Variants in CASR observed in about 807,000 individuals in gnomAD.
CASR encodes extracellular calcium-sensing receptor.
CASR carries 23 observed loss-of-function variants against 69.1 expected under a neutral mutation model. That is an observed-to-expected ratio of 0.33 (90% confidence interval 0.24 to 0.47). The LOEUF (loss-of-function observed/expected upper bound fraction) is 0.47. Among genes scored for constraint, CASR ranks in the 20% least tolerant of loss-of-function variants. The pLI is 1.00. For missense variants in CASR, 924 were observed against 1,356.1 expected (o/e 0.68, Z 5.00); for synonymous variants, 541 against 544.7 (o/e 0.99, Z 0.10).
chr3:122,263,174 CT>C (rs1459657043), intron 4 of CASR, among the ~76,000 whole-genome samples: 2 of 152,048 alleles, frequency 1.3e-5, no homozygotes, highest in African/African-American at 4.8e-5. Context: ...TTTCACACTC[CT>C]TTTGTATTTT....
chr3:122,235,139 C>T (rs1003819095), intron 1 of CASR, among the ~76,000 whole-genome samples: 1 of 152,194 alleles, frequency 6.6e-6, no homozygotes, highest in Non-Finnish European at 1.5e-5. Flanking sequence ...CCCAGACCTT[C>T]CCATCTGGGA....
At chr3:122,204,109 TTCTTC>T (rs2073983607) in intron 1 of CASR, among the ~76,000 whole-genome samples, 1 of 152,204 alleles carries the variant, frequency 6.6e-6, no homozygotes, top group Non-Finnish European at 1.5e-5. Flanking sequence ...ACCATTCCAA[TTCTTC>T]TCTTCTAGCT....
chr3:122,219,569 G>A (rs1181686990), intron 1 of CASR, among the ~76,000 whole-genome samples: 2 of 152,204 alleles, frequency 1.3e-5, no homozygotes, highest in Non-Finnish European at 2.9e-5. Context: ...GGAGGAATCT[G>A]TTGAGCTGGG....
chr3:122,184,750 AG>A, intron 1 of CASR, among the ~76,000 whole-genome samples: 1 of 152,308 alleles, frequency 6.6e-6, no homozygotes, highest in African/African-American at 2.4e-5. Flanking sequence ...TGCCCCTAGA[AG>A]GGGCAGCGGG....
At chr3:122,240,009 G>T (rs191642550) in intron 1 of CASR, among the ~76,000 whole-genome samples, 20 of 152,260 alleles carry the variant, frequency 1.3e-4, no homozygotes, top group African/African-American at 4.6e-4. Flanking sequence ...CAAGCCTAGA[G>T]AAAGATATCA....
chr3:122,225,378 A>G (rs904661419), intron 1 of CASR, among the ~76,000 whole-genome samples: 3 of 151,968 alleles, frequency 2.0e-5, no homozygotes, highest in African/African-American at 7.2e-5. Context: ...GAACAGGAAA[A>G]AAAAAGAAAA....
chr3:122,281,128 C>CCTG (rs2074882281), intron 5 of CASR, among the ~76,000 whole-genome samples: 1 of 152,168 alleles, frequency 6.6e-6, no homozygotes, highest in South Asian at 2.1e-4. Flanking sequence ...CACTGAAGAA[C>CCTG]CTGGAAGTTA....
rs1026750691 is a variant in CASR at position 122,291,285 on chromosome 3, G to A, written c.*6094G>A. The A allele has an allele frequency of 1.3e-5, 2 of 151,404 alleles. No individual in the cohort carries two copies. Among genetic ancestry groups the A allele is most frequent in the African/African-American group, 4.9e-5 (2 of 41,170 alleles). 9.4% of individuals were successfully genotyped at this position (151,404 alleles called of 1,614,324 possible). The stretch of plus-strand genomic sequence containing the variant: ...GGGTCAAATGGTATTTCTAGTTCTA[G>A]ATCCCTGAGGAATCGCCACACTGAC... On this transcript the variant is annotated 3_prime_UTR_variant, in exon 7 of 7. Coordinates refer to ENST00000639785, the MANE Select transcript of CASR (RefSeq NM_000388.4).
chr3:122,269,111 A>G (rs1464205293), intron 4 of CASR, among the ~76,000 whole-genome samples: 1 of 152,224 alleles, frequency 6.6e-6, no homozygotes, highest in African/African-American at 2.4e-5. Context: ...ATATGCCTAA[A>G]AGAAGAAAAG....
intron 1 of CASR, among the ~76,000 whole-genome samples, chr3:122,209,619 A>G (rs773535168): frequency 5.3e-5 from 8 of 152,164 alleles, no homozygotes; most frequent in Non-Finnish European, 8.8e-5. Flanking sequence ...CCATGATTCA[A>G]TTATCTCCCA....
chr3:122,211,662 C>T (rs1266733713), intron 1 of CASR, among the ~76,000 whole-genome samples: 6 of 152,174 alleles, frequency 3.9e-5, no homozygotes, highest in Admixed American at 1.3e-4. Context: ...AAGCCTAGAT[C>T]GTGCCACTGC....
chr3:122,275,762 G>T (rs775505812), intron 4 of CASR, 50 bp from the exon 5 acceptor site: 2 of 1,232,994 alleles, frequency 1.6e-6, no homozygotes, highest in Admixed American at 1.7e-5. Context: ...TACCTAATTA[G>T]TTCTATGTGG....
At chr3:122,248,024 G>A (rs1014992816) in intron 1 of CASR, among the ~76,000 whole-genome samples, 2 of 152,186 alleles carry the variant, frequency 1.3e-5, no homozygotes, top group Non-Finnish European at 2.9e-5. Flanking sequence ...AGTCACACCT[G>A]TTGTCAGGGA....
chr3:122,203,500 G>A (rs577687861), intron 1 of CASR, among the ~76,000 whole-genome samples: 1 of 152,234 alleles, frequency 6.6e-6, no homozygotes, highest in East Asian at 1.9e-4. Flanking sequence ...GTAACACAGT[G>A]ATAACTATTT....
chr3:122,236,197 G>A (rs897479305), intron 1 of CASR, among the ~76,000 whole-genome samples: 3 of 152,214 alleles, frequency 2.0e-5, no homozygotes, highest in African/African-American at 7.2e-5. Flanking sequence ...GGCTGACCCA[G>A]CATCAAAGTC....
At chr3:122,250,835 A>G (rs545168627) in intron 1 of CASR, among the ~76,000 whole-genome samples, 36 of 152,260 alleles carry the variant, frequency 2.4e-4, no homozygotes, top group Non-Finnish European at 4.1e-4. Context: ...AGAAAAAGTT[A>G]CTTTTTTTTT....
At chr3:122,212,394 A>G (rs2074077387) in intron 1 of CASR, among the ~76,000 whole-genome samples, 1 of 152,008 alleles carries the variant, frequency 6.6e-6, no homozygotes, top group Admixed American at 6.6e-5. Flanking sequence ...AATAACACAC[A>G]CTGGGGCCTG....
intron 4 of CASR, among the ~76,000 whole-genome samples, chr3:122,263,967 T>C (rs1384885174): frequency 1.3e-5 from 2 of 152,126 alleles, no homozygotes; most frequent in South Asian, 2.1e-4. Context: ...ACCTCAGTTC[T>C]TGAAAAAACT....
chr3:122,200,994 C>CTT (rs67815991), intron 1 of CASR, among the ~76,000 whole-genome samples: 1,309 of 81,142 alleles, frequency 0.016, 54 homozygotes, highest in African/African-American at 0.026. Flanking sequence ...CATTGCTTTT[C>CTT]TTTTTTTTTT....
Sources: allele counts gnomAD v4.1 joint callset (sites outside exome capture counted in the v4.1 genomes callset), GRCh38; gene constraint gnomAD v4.1.1; transcripts MANE v1.5; gene names NCBI Gene and HGNC (gene_info 2026-07-23, HGNC 2026-07-21).